Variants in PCSK6 observed in about 807,000 individuals in gnomAD.
PCSK6 encodes the protein paired basic amino acid cleaving enzyme 4.
PCSK6 carries 85 observed loss-of-function variants against 123.3 expected under a neutral mutation model. The observed-to-expected ratio is 0.69, with a 90% CI of 0.58 to 0.83. The LOEUF (loss-of-function observed/expected upper bound fraction) is 0.83, where lower values mean the gene tolerates loss of function less well. Ranked by LOEUF, PCSK6 falls within the 40% of genes least tolerant of loss-of-function variation. PCSK6 has a pLI of 0.00. For missense variants in PCSK6, 1,191 were observed against 1,282.3 expected, an observed-to-expected ratio of 0.93 and a Z score of 1.09; for synonymous variants, 508 against 516.0, an observed-to-expected ratio of 0.98 and a Z score of 0.21.
intron 20 of PCSK6, among the ~76,000 whole-genome samples, chr15:101,311,397 G>T (rs903378712): frequency 6.6e-6 from 1 of 151,584 alleles, no homozygotes; most frequent in Admixed American, 6.6e-5. Context: ...AAAGTGCTGG[G>T]ATTACAGGCG....
chr15:101,448,313 T>G (rs949613520), intron 1 of PCSK6, among the ~76,000 whole-genome samples: 1 of 152,162 alleles, frequency 6.6e-6, no homozygotes. Context: ...CTGGAAGGAA[T>G]GAGATCAAAG....
intron 13 of PCSK6, among the ~76,000 whole-genome samples, chr15:101,363,674 G>C (rs1235414589): frequency 1.3e-5 from 2 of 151,562 alleles, no homozygotes; most frequent in Admixed American, 1.3e-4. Flanking sequence ...CTGTCACCCA[G>C]GCTGGAGTGC....
At position 101,393,245 on chromosome 15, in the gene PCSK6, G is replaced by C. The variant is rs767606482; in HGVS notation, c.1176C>G (p.Thr392=). Residue 392 remains threonine (T), a synonymous_variant, in exon 8 of 22, where the codon ACC becomes ACG. Transcript: ENST00000611716. ...GCTCATAAAAGGCCCCACTGCTGTA[G>C]GTGGTGGCCAGGGTGGAGGCACACT... The part of the protein sequence containing the change: ...LEECASTLAT[T]YSSGAFYERK... 1 of 1,613,770 alleles carries C rather than the reference G, an allele frequency of 6.2e-7. No individual in the cohort carries two copies. The highest frequency in any genetic ancestry group is 8.5e-7 in the Non-Finnish European group (1 of 1,179,916).
At chr15:101,388,056 C>T (rs142193621) in intron 9 of PCSK6, among the ~76,000 whole-genome samples, 32 of 152,296 alleles carry the variant, frequency 2.1e-4, no homozygotes, top group African/African-American at 6.7e-4. Flanking sequence ...CAATGCGCCC[C>T]GGAGCAGGGT....
intron 12 of PCSK6, among the ~76,000 whole-genome samples, chr15:101,369,094 G>T (rs2041495291): frequency 6.6e-6 from 1 of 152,104 alleles, no homozygotes; most frequent in Non-Finnish European, 1.5e-5. Context: ...CCTCAGGGTT[G>T]ATTCCAGTGC....
intron 9 of PCSK6, 65 bp from the exon 10 acceptor site, chr15:101,384,490 A>G (rs2042003797): frequency 6.3e-6 from 9 of 1,418,762 alleles, no homozygotes; most frequent in Admixed American, 3.6e-5. Flanking sequence ...CAGGCCACTC[A>G]GAGGCAGGGG....
intron 13 of PCSK6, among the ~76,000 whole-genome samples, chr15:101,356,505 CAAAAAAAAAAA>C (rs34350017): frequency 1.2e-5 from 1 of 86,250 alleles, no homozygotes; most frequent in Non-Finnish European, 2.3e-5. Context: ...ACTAAAACTA[CAAAAAAAAAAA>C]AAAAAAAAAA....
At chr15:101,384,126 AG>A (rs1325864549) in intron 10 of PCSK6, 195 bp downstream of exon 10, 2 of 1,377,942 alleles carry the variant, frequency 1.5e-6, no homozygotes, top group Non-Finnish European at 1.9e-6. Context: ...TTGTGACCTG[AG>A]GGTTCTTCCG....
intron 13 of PCSK6, among the ~76,000 whole-genome samples, chr15:101,341,248 G>GTTTTTTTTTTTTT (rs149761692): frequency 7.7e-6 from 1 of 129,642 alleles, no homozygotes; most frequent in African/African-American, 3.0e-5. Flanking sequence ...AAAGTGTGGG[G>GTTTTTTTTTTTTT]TTTTTTTTTT....
Position 101,427,962 on chromosome 15 carries a change from C to G in PCSK6, c.753G>C (p.Ala251=), listed in dbSNP as rs199778062. ...TGTTTGCTGAAGCAGCAACTTCTCC[C>G]GCACAACGAGTGCCGTGTCTGAAAC... The part of the protein sequence containing the change: ...SNENKHGTRC[A]GEVAASANNS... Residue 251 remains alanine (A), a synonymous_variant, in exon 6 of 22, where the codon GCG becomes GCC. Coordinates refer to ENST00000611716, the MANE Select transcript of PCSK6 (RefSeq NM_002570.5). 1.7e-5 allele frequency: 27 copies of G among 1,581,050 alleles called. No individual in the cohort carries two copies. The highest frequency in any genetic ancestry group is 1.3e-5 in the African/African-American group (1 of 74,282).
intron 6 of PCSK6, among the ~76,000 whole-genome samples, chr15:101,427,162 C>G (rs1050323485): frequency 6.6e-6 from 1 of 152,242 alleles, no homozygotes; most frequent in African/African-American, 2.4e-5. Flanking sequence ...GGCAGCTTGA[C>G]TGAGCAGTGT....
chr15:101,310,352 G>A (rs1596164532), intron 20 of PCSK6, among the ~76,000 whole-genome samples: 1 of 152,048 alleles, frequency 6.6e-6, no homozygotes, highest in Non-Finnish European at 1.5e-5. Context: ...TGCCTCCTGA[G>A]GGGCAAAGAG....
At position 101,391,383 on chromosome 15, in the gene PCSK6, C is replaced by T. The variant is rs370196538; in HGVS notation, c.1210-1819G>A. Among the ~76,000 whole-genome samples, 23 of 152,290 alleles carry T rather than the reference C, an allele frequency of 1.5e-4. No individual in the cohort carries two copies. The South Asian group carries it at 2.3e-3, about 15-fold the overall frequency. ...GCATGTGAGGCTCACAGCTGGTTCT[C>T]CAGCTTCAGAGAAGGGGGTCCTGGG... On this transcript the variant is annotated intron_variant, in intron 8 of 21. Transcript: ENST00000611716.
At chr15:101,406,149 C>G (rs2042771999) in intron 6 of PCSK6, among the ~76,000 whole-genome samples, 1 of 152,190 alleles carries the variant, frequency 6.6e-6, no homozygotes, top group Admixed American at 6.5e-5. Flanking sequence ...CACAGCATTT[C>G]CCCTGAAAAC....
intron 15 of PCSK6, among the ~76,000 whole-genome samples, chr15:101,328,594 G>T (rs145210042): frequency 2.0e-5 from 3 of 152,058 alleles, no homozygotes; most frequent in Non-Finnish European, 4.4e-5. Context: ...TGCTGGTCCG[G>T]GTGTATGGAC....
chr15:101,321,033 G>C (rs866346438), intron 18 of PCSK6, among the ~76,000 whole-genome samples: 1 of 152,172 alleles, frequency 6.6e-6, no homozygotes, highest in Non-Finnish European at 1.5e-5. Flanking sequence ...GCACTTCTCT[G>C]CTGGGAAACA....
intron 19 of PCSK6, among the ~76,000 whole-genome samples, chr15:101,316,726 C>A (rs2039996795): frequency 6.6e-6 from 1 of 152,134 alleles, no homozygotes; most frequent in African/African-American, 2.4e-5. Context: ...GTCAGCCTGG[C>A]AATCATAGGA....
chr15:101,437,222 G>A (rs2056625972), intron 2 of PCSK6, among the ~76,000 whole-genome samples: 1 of 152,228 alleles, frequency 6.6e-6, no homozygotes, highest in African/African-American at 2.4e-5. Flanking sequence ...TCCTGTGGCT[G>A]TCATCTTCCA....
chr15:101,310,337 CCTG>C (rs1308417742), intron 20 of PCSK6, among the ~76,000 whole-genome samples: 1 of 152,154 alleles, frequency 6.6e-6, no homozygotes, highest in Non-Finnish European at 1.5e-5. Flanking sequence ...GGGCTGCCCG[CCTG>C]CTGCCTCCTG....
Sources: allele counts gnomAD v4.1 joint callset (sites outside exome capture counted in the v4.1 genomes callset), GRCh38; gene constraint gnomAD v4.1.1; transcripts MANE v1.5; gene names NCBI Gene and HGNC (gene_info 2026-07-23, HGNC 2026-07-21).